The following PIK3C2G variants were observed in gnomAD, a reference collection of about 807,000 sequenced individuals.
PIK3C2G encodes the protein phosphatidylinositol-4-phosphate 3-kinase catalytic subunit type 2 gamma, also known as phosphatidylinositol 3-kinase C2 domain-containing subunit gamma.
A neutral mutation model predicts 181.1 loss-of-function variants in PIK3C2G; 168 were observed. The ratio of observed to expected loss-of-function variants is 0.93; its 90% CI spans 0.82 to 1.05. The LOEUF is 1.05. Among genes scored for constraint, PIK3C2G ranks in the 50% least tolerant of loss-of-function variants. The probability of loss-of-function intolerance (pLI) is 0.00; values close to 1 mark genes in which losing one functional copy is unlikely to be tolerated. For synonymous variants in PIK3C2G, 573 were observed against 592.2 expected (o/e 0.97, Z 0.47); for missense variants, 1,869 against 1,732.8 (o/e 1.08, Z -1.40).
chr12:18,624,567 G>A (rs1026430337), intron 31 of PIK3C2G, among the ~76,000 whole-genome samples: 1 of 151,606 alleles, frequency 6.6e-6, no homozygotes, highest in South Asian at 2.1e-4. Context: ...GAGTTTGGAA[G>A]TATTTCTTCC....
At chr12:18,422,132 A>C (rs1945520938) in intron 17 of PIK3C2G, among the ~76,000 whole-genome samples, 1 of 152,086 alleles carries the variant, frequency 6.6e-6, no homozygotes, top group African/African-American at 2.4e-5. Context: ...GAGTAAGTAC[A>C]CTTGGCATCA....
intron 20 of PIK3C2G, among the ~76,000 whole-genome samples, chr12:18,492,219 A>G (rs1940634568): frequency 2.6e-5 from 4 of 152,334 alleles, no homozygotes; most frequent in Admixed American, 2.6e-4. Context: ...GTACAAAGAC[A>G]CTAACAGAGA....
chr12:18,699,976 C>A, the PIK3C2G span: 2 of 1,592,826 alleles, frequency 1.3e-6, no homozygotes, highest in Non-Finnish European at 1.7e-6. Context: ...AGTAATTTTA[C>A]ATTTTTATGC....
chr12:18,523,103 T>C (rs1943019868), intron 24 of PIK3C2G, among the ~76,000 whole-genome samples: 1 of 152,168 alleles, frequency 6.6e-6, no homozygotes, highest in African/African-American at 2.4e-5. Flanking sequence ...TTTGGTATTT[T>C]TTATATTTCT....
At chr12:18,512,802 T>C (rs1942296401) in intron 24 of PIK3C2G, among the ~76,000 whole-genome samples, 1 of 151,954 alleles carries the variant, frequency 6.6e-6, no homozygotes, top group South Asian at 2.1e-4. Context: ...TTGTCTTGCC[T>C]AACTGCTCTG....
chr12:18,712,928 C>A, the PIK3C2G span: 1 of 1,613,938 alleles, frequency 6.2e-7, no homozygotes, highest in South Asian at 1.1e-5. Flanking sequence ...ACAACAGGTT[C>A]ATTTTGTGCT....
At chr12:18,642,822 G>GTA in intron 32 of PIK3C2G, among the ~76,000 whole-genome samples, 1 of 146,088 alleles carries the variant, frequency 6.8e-6, no homozygotes, top group Admixed American at 6.8e-5. Flanking sequence ...GTGTGTGTGT[G>GTA]TATAAAATGT....
Position 18,635,684 on chromosome 12 carries a change from A to G in PIK3C2G, c.4183-4745A>G, listed in dbSNP as rs937982233. 2.6e-5 allele frequency among the ~76,000 whole-genome samples: 4 copies of G among 152,196 alleles called. No homozygotes were observed. In the South Asian group the frequency reaches 8.3e-4, roughly 31 times the overall value. ...TTCTGCCACTGACACTTTAAGCACC[A>G]TTAGATCTACTGGATCATGTAACCC... On this transcript the variant is annotated intron_variant, in intron 31 of 32. Coordinates refer to ENST00000538779, the MANE Select transcript of PIK3C2G (RefSeq NM_001288772.2).
At chr12:18,254,762 G>T (rs1948127323) in intron 1 of PIK3C2G, among the ~76,000 whole-genome samples, 1 of 152,100 alleles carries the variant, frequency 6.6e-6, no homozygotes, top group African/African-American at 2.4e-5. Flanking sequence ...CGAGGCAAGA[G>T]AATTGCTTGA....
intron 25 of PIK3C2G, among the ~76,000 whole-genome samples, chr12:18,543,707 C>T (rs73342988): frequency 0.011 from 1,643 of 151,858 alleles, 23 homozygotes; most frequent in African/African-American, 0.026. Flanking sequence ...CATAATTGTG[C>T]GGCCTTATTT....
chr12:18,383,634 T>C (rs1423784604), intron 14 of PIK3C2G, among the ~76,000 whole-genome samples: 1 of 152,156 alleles, frequency 6.6e-6, no homozygotes, highest in Non-Finnish European at 1.5e-5. Flanking sequence ...GAATAAATTA[T>C]GTGAGGAACA....
At chr12:18,324,218 CA>C (rs890423728) in intron 7 of PIK3C2G, among the ~76,000 whole-genome samples, 53 of 135,344 alleles carry the variant, frequency 3.9e-4, no homozygotes, top group Non-Finnish European at 5.3e-4. Flanking sequence ...CACTCCGTCT[CA>C]AAAAAAAAAA....
intron 16 of PIK3C2G, among the ~76,000 whole-genome samples, chr12:18,401,620 A>C (rs879279388): frequency 1.3e-5 from 2 of 152,182 alleles, no homozygotes; most frequent in Non-Finnish European, 2.9e-5. Flanking sequence ...ATATCTGACA[A>C]GGAAATTTTA....
chr12:18,437,715 T>C lies in PIK3C2G; in HGVS notation c.2504+13676T>C, dbSNP rs115981913. ...TTTTCTTCCAACTAAAATTTATGAT[T>C]ATTTTTAAAGAGGCTGCTGCTCAAT... On this transcript the variant is annotated intron_variant, in intron 18 of 32. Transcript: ENST00000538779. 7.6e-3 allele frequency among the ~76,000 whole-genome samples: 1,161 copies of C among 152,066 alleles called. 16 individuals are homozygous for C. Among genetic ancestry groups the C allele is most frequent in the African/African-American group, 0.027 (1,105 of 41,552 alleles).
the PIK3C2G span, among the ~76,000 whole-genome samples, chr12:18,708,674 C>T: frequency 2.0e-5 from 3 of 152,090 alleles, no homozygotes; most frequent in Non-Finnish European, 4.4e-5. Context: ...CATTTGTTAT[C>T]ATTTGACTTT....
intron 29 of PIK3C2G, among the ~76,000 whole-genome samples, chr12:18,583,952 C>A (rs1946637904): frequency 1.3e-5 from 2 of 151,986 alleles, no homozygotes; most frequent in African/African-American, 4.8e-5. Flanking sequence ...CAAAACCCAA[C>A]CCATAAGAAT....
At chr12:18,354,196 T>C (rs547005778) in intron 11 of PIK3C2G, among the ~76,000 whole-genome samples, 44 of 152,368 alleles carry the variant, frequency 2.9e-4, no homozygotes, top group African/African-American at 1.0e-3. Context: ...GTCAGGGTCA[T>C]CTGAAAACTT....
At chr12:18,598,657 TTAAAC>T (rs1947518156) in intron 30 of PIK3C2G, among the ~76,000 whole-genome samples, 1 of 146,778 alleles carries the variant, frequency 6.8e-6, no homozygotes, top group Non-Finnish European at 1.5e-5. Context: ...TGGGATCTAA[TTAAAC>T]TAAAGAACTT....
At chr12:18,530,036 C>T (rs913685556) in intron 24 of PIK3C2G, among the ~76,000 whole-genome samples, 1 of 152,134 alleles carries the variant, frequency 6.6e-6, no homozygotes, top group African/African-American at 2.4e-5. Context: ...ACCCTCATGG[C>T]CCAGCAATGG....
Sources: allele counts gnomAD v4.1 joint callset (sites outside exome capture counted in the v4.1 genomes callset), GRCh38; gene constraint gnomAD v4.1.1; transcripts MANE v1.5; gene names NCBI Gene and HGNC (gene_info 2026-07-23, HGNC 2026-07-21).